The following CCDC73 variants were observed in gnomAD, a reference collection of about 807,000 sequenced individuals.
CCDC73 encodes the protein coiled-coil domain containing 73, also known as coiled-coil domain-containing protein 73.
In CCDC73, 95 loss-of-function variants were observed where a neutral mutation model predicts 116.5. The observed-to-expected ratio is 0.82, with a 90% CI of 0.69 to 0.97. CCDC73 has a LOEUF of 0.97. CCDC73 is among the 50% of genes least tolerant of loss of function. The pLI is 0.00. For missense variants in CCDC73, 1,066 were observed against 1,206.8 expected, an observed-to-expected ratio of 0.88 and a Z score of 1.73; for synonymous variants, 398 against 401.3, an observed-to-expected ratio of 0.99 and a Z score of 0.10.
chr11:32,613,733 T>A lies in CCDC73; in HGVS notation c.2585A>T (p.Gln862Leu). ...IVSGKMFSEGQLEESHSFHIE... is the reference protein window; with the variant it reads ...IVSGKMFSEGLLEESHSFHIE... ...GTGAAATGAATGTGATTCCTCCAGC[T>A]GTCCTTCACTGAACATTTTTCCTGA... is the stretch of plus-strand genomic sequence containing the variant. Residue 862 changes from glutamine to leucine, a missense_variant, in exon 16 of 18, where the codon CAG becomes CTG. Transcript: ENST00000335185. The A allele has an allele frequency of 6.2e-7, 1 of 1,614,126 alleles. No individual in the cohort carries two copies. Among genetic ancestry groups the A allele is most frequent in the South Asian group, 1.1e-5 (1 of 91,084 alleles).
At chr11:32,671,726 G>C (rs1048137646) in intron 9 of CCDC73, among the ~76,000 whole-genome samples, 34 of 152,112 alleles carry the variant, frequency 2.2e-4, no homozygotes, top group African/African-American at 7.7e-4. Flanking sequence ...CTTGAACTTT[G>C]AAGTCGCAAA....
At chr11:32,707,448 G>A (rs1849865642) in intron 3 of CCDC73, among the ~76,000 whole-genome samples, 1 of 150,584 alleles carries the variant, frequency 6.6e-6, no homozygotes, top group South Asian at 2.1e-4. Flanking sequence ...TTTAGATCAA[G>A]ATAGTCAACA....
chr11:32,778,483 G>C (rs1369450318), intron 1 of CCDC73, among the ~76,000 whole-genome samples: 3 of 152,174 alleles, frequency 2.0e-5, no homozygotes, highest in African/African-American at 7.2e-5. Context: ...CAATGGAACT[G>C]AGAAACTTGA....
At chr11:32,772,871 C>A (rs1379571451) in intron 1 of CCDC73, among the ~76,000 whole-genome samples, 2 of 152,080 alleles carry the variant, frequency 1.3e-5, no homozygotes, top group African/African-American at 4.8e-5. Flanking sequence ...TAAAATGGTG[C>A]AACCAGAAAA....
chr11:32,750,268 A>G (rs1198731345), intron 2 of CCDC73, among the ~76,000 whole-genome samples: 1 of 152,106 alleles, frequency 6.6e-6, no homozygotes, highest in East Asian at 1.9e-4. Flanking sequence ...GACGACCACC[A>G]CTGGGACTGC....
At chr11:32,777,023 A>ATATATATATATATATAT (rs1590643001) in intron 1 of CCDC73, among the ~76,000 whole-genome samples, 1 of 136,350 alleles carries the variant, frequency 7.3e-6, no homozygotes, top group Non-Finnish European at 1.6e-5. Context: ...ATATATATAT[A>ATATATATATATATATAT]ATTGAACTTA....
chr11:32,695,919 T>A (rs1355630175), intron 6 of CCDC73, among the ~76,000 whole-genome samples: 2 of 151,938 alleles, frequency 1.3e-5, no homozygotes, highest in African/African-American at 4.8e-5. Flanking sequence ...AGTTTTTACA[T>A]GAGCTACAAT....
At chr11:32,748,629 T>C (rs935451983) in intron 2 of CCDC73, among the ~76,000 whole-genome samples, 25 of 152,244 alleles carry the variant, frequency 1.6e-4, no homozygotes, top group Non-Finnish European at 3.4e-4. Context: ...TGTTTTTCTG[T>C]GTACCTACTA....
intron 14 of CCDC73, among the ~76,000 whole-genome samples, chr11:32,622,710 C>A (rs1590549712): frequency 8.2e-6 from 1 of 122,334 alleles, no homozygotes; most frequent in East Asian, 2.3e-4. Context: ...CTCTAGGACA[C>A]AGCTCACTTG....
chr11:32,685,718 CTTTTTTTTTT>C (rs149696866), intron 6 of CCDC73, among the ~76,000 whole-genome samples: 3 of 90,700 alleles, frequency 3.3e-5, no homozygotes, highest in South Asian at 4.0e-4. Flanking sequence ...CCTGACTTAG[CTTTTTTTTTT>C]TTTTTTTTTT....
At chr11:32,617,140 A>C (rs1490756976) in intron 14 of CCDC73, among the ~76,000 whole-genome samples, 1 of 152,160 alleles carries the variant, frequency 6.6e-6, no homozygotes, top group Admixed American at 6.5e-5. Flanking sequence ...ATGAGGCTTG[A>C]GGTAAGCTGG....
Position 32,614,249 on chromosome 11 carries a change from T to C in CCDC73, c.2069A>G (p.Asn690Ser), listed in dbSNP as rs1855452155. ...TAGTTCAGATTTCTCTAAAGTATCA[T>C]TACAGACTTGCAGAAAATCTGAAGT... ...KQTSDFLQVC[N>S]DTLEKSELTV... Residue 690 changes from asparagine (N) to serine (S), a missense_variant, in exon 16 of 18, where the codon AAT becomes AGT. By Grantham distance (46) the Asn-to-Ser change is conservative. Transcript: ENST00000335185. 1.2e-6 allele frequency: 2 copies of C among 1,613,654 alleles called. No individual in the cohort carries two copies. The highest frequency in any genetic ancestry group is 1.7e-6 in the Non-Finnish European group (2 of 1,179,748).
intron 1 of CCDC73, among the ~76,000 whole-genome samples, chr11:32,773,736 C>T (rs1850509545): frequency 6.6e-6 from 1 of 150,756 alleles, no homozygotes. Context: ...GCTATGATCG[C>T]ATTGCTGCCC....
the CCDC73 span, among the ~76,000 whole-genome samples, chr11:32,803,263 G>C: frequency 0.013 from 1,923 of 151,820 alleles, 39 homozygotes; most frequent in African/African-American, 0.044. Context: ...GCTAATTTTT[G>C]TATTTTTAGT....
upstream of CCDC73, among the ~76,000 whole-genome samples, chr11:32,798,693 A>G (rs564226305): frequency 5.9e-5 from 9 of 152,330 alleles, no homozygotes; most frequent in African/African-American, 2.2e-4. Flanking sequence ...GTAAGCAAAG[A>G]TATTTTCAGT....
intron 2 of CCDC73, among the ~76,000 whole-genome samples, chr11:32,720,938 C>T (rs1361765907): frequency 4.6e-5 from 7 of 152,110 alleles, no homozygotes; most frequent in South Asian, 2.1e-4. Flanking sequence ...ACAGCTAAGA[C>T]GTGTACATTT....
At chr11:32,720,844 C>A (rs1351086716) in intron 2 of CCDC73, among the ~76,000 whole-genome samples, 1 of 152,064 alleles carries the variant, frequency 6.6e-6, no homozygotes, top group Non-Finnish European at 1.5e-5. Flanking sequence ...CATGAGGGAG[C>A]TTTCTGGGTT....
At chr11:32,760,019 A>T in intron 2 of CCDC73, 90 bp downstream of exon 2, 2 of 1,073,508 alleles carry the variant, frequency 1.9e-6, no homozygotes, top group Non-Finnish European at 2.8e-6. Context: ...AACAAGAGGG[A>T]TTTTTTAGGC....
the CCDC73 span, among the ~76,000 whole-genome samples, chr11:32,821,338 A>C: frequency 6.6e-6 from 1 of 152,218 alleles, no homozygotes; most frequent in Non-Finnish European, 1.5e-5. Context: ...TGTCCAAAAA[A>C]ATCATCAACT....
Sources: allele counts gnomAD v4.1 joint callset (sites outside exome capture counted in the v4.1 genomes callset), GRCh38; gene constraint gnomAD v4.1.1; transcripts MANE v1.5; gene names NCBI Gene and HGNC (gene_info 2026-07-23, HGNC 2026-07-21).